Variants in ADK observed in about 807,000 individuals in gnomAD.
ADK encodes the protein N6,N6-dimethyladenosine kinase.
In ADK, 24 loss-of-function variants were observed where a neutral mutation model predicts 44.7. That is an observed-to-expected ratio of 0.54 (90% CI 0.39 to 0.76). The LOEUF is 0.76. ADK is among the 30% of genes least tolerant of loss of function. The pLI, the probability that ADK is intolerant of heterozygous loss-of-function variation, is 0.00. For synonymous variants in ADK, 128 were observed against 142.6 expected (o/e 0.90, Z 0.73); for missense variants, 321 against 425.1 (o/e 0.76, Z 2.15).
intron 10 of ADK, among the ~76,000 whole-genome samples, chr10:74,699,313 T>C (rs1288169868): frequency 6.6e-6 from 1 of 152,110 alleles, no homozygotes; most frequent in Non-Finnish European, 1.5e-5. Flanking sequence ...AATAGCATAT[T>C]GTTATTGTTG....
At chr10:74,596,141 A>G (rs1215984184) in intron 8 of ADK, among the ~76,000 whole-genome samples, 1 of 151,940 alleles carries the variant, frequency 6.6e-6, no homozygotes, top group Non-Finnish European at 1.5e-5. Flanking sequence ...AACATGCTAT[A>G]GTTTTGTGAT....
At chr10:74,581,076 G>A (rs893570958) in intron 7 of ADK, among the ~76,000 whole-genome samples, 2 of 151,198 alleles carry the variant, frequency 1.3e-5, no homozygotes, top group African/African-American at 2.4e-5. Context: ...CCATTCATGC[G>A]AAGAAGCAGG....
intron 4 of ADK, among the ~76,000 whole-genome samples, chr10:74,354,466 A>G (rs1037692265): frequency 6.6e-6 from 1 of 152,232 alleles, no homozygotes; most frequent in Non-Finnish European, 1.5e-5. Flanking sequence ...AATAATTATT[A>G]CAACAAGTAT....
At chr10:74,298,380 A>C (rs1839888805) in intron 3 of ADK, among the ~76,000 whole-genome samples, 1 of 152,190 alleles carries the variant, frequency 6.6e-6, no homozygotes, top group Non-Finnish European at 1.5e-5. Context: ...TCATTGTAGC[A>C]GCTAAAGAAT....
intron 6 of ADK, among the ~76,000 whole-genome samples, chr10:74,403,494 G>A (rs114567583): frequency 0.013 from 1,941 of 152,112 alleles, 46 homozygotes; most frequent in African/African-American, 0.044. Flanking sequence ...ATCTGATAGC[G>A]GACTGCTGTG....
chr10:74,692,957 T>C (rs1856046572), intron 10 of ADK, among the ~76,000 whole-genome samples: 1 of 152,042 alleles, frequency 6.6e-6, no homozygotes, highest in Admixed American at 6.6e-5. Context: ...CTATGGAGAC[T>C]GTAAAAAAGT....
intron 4 of ADK, among the ~76,000 whole-genome samples, chr10:74,387,336 T>C (rs1054502481): frequency 6.6e-6 from 1 of 152,178 alleles, no homozygotes; most frequent in Non-Finnish European, 1.5e-5. Flanking sequence ...AGCAAATCAG[T>C]GTGAAACAAA....
At chr10:74,624,879 T>G (rs967418908) in intron 9 of ADK, among the ~76,000 whole-genome samples, 10 of 152,076 alleles carry the variant, frequency 6.6e-5, no homozygotes, top group African/African-American at 1.9e-4. Flanking sequence ...TTTCTAACAT[T>G]TCTTCCAGTG....
At chr10:74,706,491 A>G (rs1004222114) in intron 10 of ADK, among the ~76,000 whole-genome samples, 31 of 151,998 alleles carry the variant, frequency 2.0e-4, no homozygotes, top group African/African-American at 4.6e-4. Flanking sequence ...TTTTCACACA[A>G]TTTGTTAAAG....
intron 7 of ADK, among the ~76,000 whole-genome samples, chr10:74,571,485 A>G (rs1158836841): frequency 6.6e-6 from 1 of 152,212 alleles, no homozygotes; most frequent in Non-Finnish European, 1.5e-5. Context: ...TCGTCTATTC[A>G]GAGAGTCAAC....
chr10:74,668,266 T>C (rs535693389), intron 9 of ADK, among the ~76,000 whole-genome samples: 123 of 152,360 alleles, frequency 8.1e-4, no homozygotes, highest in African/African-American at 2.9e-3. Flanking sequence ...TGCAGACCTT[T>C]CCTGAGTATT....
At position 74,708,664 on chromosome 10, in the gene ADK, C is replaced by T. The variant is rs1184050351; in HGVS notation, c.*219C>T. 2.3e-6 allele frequency: 1 copy of T among 444,376 alleles called. No individual in the cohort carries two copies. Among genetic ancestry groups the T allele is most frequent in the Non-Finnish European group, 4.1e-6 (1 of 245,372 alleles). The allele number at this position is 444,376 out of a possible 1,614,324, so 27.5% of individuals were successfully genotyped here. A position where few individuals can be genotyped will look rare whatever the true frequency, so the allele number is the denominator to read the frequency against. On this transcript the variant is annotated 3_prime_UTR_variant, in exon 11 of 11. Coordinates refer to ENST00000539909, the MANE Select transcript of ADK (RefSeq NM_006721.4). ...GTTTATTTCCATAGTTTGATAGTGC[C>T]ACTTAAATGCCAATTAAACAAGAAT...
chr10:74,542,932 G>A (rs545923577), intron 7 of ADK, among the ~76,000 whole-genome samples: 10 of 150,688 alleles, frequency 6.6e-5, no homozygotes, highest in Middle Eastern at 3.4e-3. Context: ...ATGGAGTCTC[G>A]CTCTGTCACC....
chr10:74,644,373 G>A (rs1302069917), intron 9 of ADK, among the ~76,000 whole-genome samples: 1 of 152,224 alleles, frequency 6.6e-6, no homozygotes, highest in African/African-American at 2.4e-5. Flanking sequence ...TGGATACGGT[G>A]TACAGTGGCC....
chr10:74,597,704 A>C (rs958315480), intron 8 of ADK, among the ~76,000 whole-genome samples: 1 of 152,232 alleles, frequency 6.6e-6, no homozygotes, highest in African/African-American at 2.4e-5. Flanking sequence ...AGGGAGGTAC[A>C]CAGTGTCACA....
intron 7 of ADK, among the ~76,000 whole-genome samples, chr10:74,579,464 C>T (rs1197502973): frequency 6.6e-6 from 1 of 152,102 alleles, no homozygotes. Flanking sequence ...CCTCCTCAAA[C>T]AATGCAAAAA....
chr10:74,692,774 T>TA lies in ADK; in HGVS notation c.965-15545dup, dbSNP rs528154555. 2.3e-3 allele frequency among the ~76,000 whole-genome samples: 351 copies of TA among 152,302 alleles called. 1 individual carries two copies. The highest frequency in any genetic ancestry group is 4.0e-3 in the Non-Finnish European group (269 of 68,026). On this transcript the variant is annotated intron_variant, in intron 10 of 10. Coordinates refer to ENST00000539909, the MANE Select transcript of ADK (RefSeq NM_006721.4). ...TACAATTACCTAAAATTCAATAGAA[T>TA]AACAGGCTATACAGGATTGTAGCCT...
intron 6 of ADK, among the ~76,000 whole-genome samples, chr10:74,461,230 G>A (rs991756698): frequency 2.6e-5 from 4 of 151,916 alleles, no homozygotes; most frequent in South Asian, 2.1e-4. Flanking sequence ...TCTCAAAAAC[G>A]TTAGCAGAAA....
At chr10:74,362,079 C>T (rs1265096876) in intron 4 of ADK, among the ~76,000 whole-genome samples, 1 of 152,098 alleles carries the variant, frequency 6.6e-6, no homozygotes, top group African/African-American at 2.4e-5. Flanking sequence ...TGATCTTTGA[C>T]CTTAGTCTAC....
Sources: gnomAD v4.1 joint callset for allele counts (sites outside exome capture counted in the v4.1 genomes callset) on GRCh38, gnomAD v4.1.1 for gene constraint, MANE v1.5 for transcripts, NCBI Gene and HGNC (gene_info 2026-07-23, HGNC 2026-07-21) for gene names.